The following MYOM1 variants were observed in gnomAD, a reference collection of about 807,000 sequenced individuals.
MYOM1 encodes the protein myomesin-1.
A neutral mutation model predicts 205.3 loss-of-function variants in MYOM1; 164 were observed. The observed-to-expected ratio is 0.80, with a 90% CI of 0.70 to 0.91. The LOEUF (loss-of-function observed/expected upper bound fraction) is 0.91. MYOM1 is among the 40% of genes least tolerant of loss of function. The pLI is 0.00. For synonymous variants in MYOM1, 772 were observed against 789.4 expected (o/e 0.98, Z 0.37); for missense variants, 2,011 against 2,127.3 (o/e 0.95, Z 1.08).
chr18:3,155,502 G>A (rs1008170953), intron 10 of MYOM1, among the ~76,000 whole-genome samples: 1 of 152,192 alleles, frequency 6.6e-6, no homozygotes, highest in Non-Finnish European at 1.5e-5. Context: ...GGGATTACAG[G>A]CGTGAGCCAT....
At chr18:3,201,736 C>T (rs1024224501) in intron 2 of MYOM1, among the ~76,000 whole-genome samples, 9 of 151,644 alleles carry the variant, frequency 5.9e-5, no homozygotes, top group East Asian at 1.9e-4. Context: ...CTCGATCTCC[C>T]GGGCTCAAGC....
At chr18:3,124,425 C>T (rs1290282781) in intron 19 of MYOM1, among the ~76,000 whole-genome samples, 1 of 150,774 alleles carries the variant, frequency 6.6e-6, no homozygotes, top group Non-Finnish European at 1.5e-5. Flanking sequence ...GCCTCAGCCT[C>T]CTGAGGAGCT....
chr18:3,190,381 C>T (rs1322996330), intron 3 of MYOM1: 1 of 152,126 alleles, frequency 6.6e-6, no homozygotes, highest in South Asian at 2.1e-4. Context: ...ATTGTGTTAG[C>T]AAGTTCCTAG....
chr18:3,203,576 T>C (rs1003101204), intron 2 of MYOM1, among the ~76,000 whole-genome samples: 1 of 151,856 alleles, frequency 6.6e-6, no homozygotes. Context: ...TAAGGCTAAC[T>C]TGAGAAAAAA....
intron 25 of MYOM1, among the ~76,000 whole-genome samples, chr18:3,096,350 AT>A (rs2079303638): frequency 6.6e-6 from 1 of 152,142 alleles, no homozygotes; most frequent in South Asian, 2.1e-4. Flanking sequence ...TAAATACTCT[AT>A]AAAGAGCCTG....
At chr18:3,206,341 G>A (rs1242456129) in intron 2 of MYOM1, among the ~76,000 whole-genome samples, 4 of 152,076 alleles carry the variant, frequency 2.6e-5, no homozygotes, top group African/African-American at 7.2e-5. Context: ...ATGCTCAGCC[G>A]TTTACTGGAA....
intron 3 of MYOM1, among the ~76,000 whole-genome samples, chr18:3,193,359 T>TACACAC (rs536189289): frequency 1.1e-3 from 128 of 119,264 alleles, no homozygotes; most frequent in African/African-American, 3.7e-3. Flanking sequence ...TATATATATA[T>TACACAC]ATACACACAC....
chr18:3,093,400 G>T (rs914350189), intron 26 of MYOM1, among the ~76,000 whole-genome samples: 3 of 151,986 alleles, frequency 2.0e-5, no homozygotes, highest in Non-Finnish European at 4.4e-5. Flanking sequence ...CTTAGATGTT[G>T]TAACTCTATC....
intron 8 of MYOM1, among the ~76,000 whole-genome samples, chr18:3,170,481 T>G (rs1369866393): frequency 2.0e-5 from 3 of 152,226 alleles, no homozygotes; most frequent in Non-Finnish European, 4.4e-5. Flanking sequence ...CTTCAGTTTC[T>G]TTAATGATCT....
chr18:3,241,565 G>A, the MYOM1 span, among the ~76,000 whole-genome samples: 3 of 152,206 alleles, frequency 2.0e-5, no homozygotes, highest in South Asian at 6.2e-4. Context: ...TGCAGGGGCG[G>A]GGCCCTCATG....
Position 3,178,630 on chromosome 18 carries a change from A to C in MYOM1, c.930-2496T>G, listed in dbSNP as rs551997854. Among the ~76,000 whole-genome samples, 207 of 152,270 alleles carry C rather than the reference A, an allele frequency of 1.4e-3. 1 individual carries two copies. The highest frequency in any genetic ancestry group is 4.6e-3 in the African/African-American group (191 of 41,548). ...TTATTCATTTTCTACACTTAAAACAAACAAACACTCTCCTCCATATAACAG... is the reference window on the plus strand; with the variant it reads ...TTATTCATTTTCTACACTTAAAACACACAAACACTCTCCTCCATATAACAG... On this transcript the variant is annotated intron_variant, in intron 5 of 37. Transcript: ENST00000356443.
At chr18:3,083,320 GAC>G (rs2079106352) in intron 33 of MYOM1, among the ~76,000 whole-genome samples, 1 of 151,778 alleles carries the variant, frequency 6.6e-6, no homozygotes, top group South Asian at 2.1e-4. Flanking sequence ...GAATTAAGAA[GAC>G]TCCTTACTTG....
At chr18:3,156,833 A>T (rs1478057802) in intron 10 of MYOM1, among the ~76,000 whole-genome samples, 1 of 151,592 alleles carries the variant, frequency 6.6e-6, no homozygotes, top group Non-Finnish European at 1.5e-5. Context: ...ATGGTCTCGA[A>T]CTCCTGACCT....
intron 34 of MYOM1, among the ~76,000 whole-genome samples, chr18:3,076,942 G>A (rs1359563041): frequency 6.6e-6 from 1 of 151,362 alleles, no homozygotes; most frequent in Non-Finnish European, 1.5e-5. Context: ...TCGATCTCCC[G>A]ACCTCGTGAT....
chr18:3,170,253 A>C (rs1439203247), intron 8 of MYOM1, among the ~76,000 whole-genome samples: 1 of 152,172 alleles, frequency 6.6e-6, no homozygotes, highest in Non-Finnish European at 1.5e-5. Flanking sequence ...GCATATTTTC[A>C]AACAATGAGA....
chr18:3,116,518 G>A lies in MYOM1; in HGVS notation c.3119-3C>T. 6.7e-7 allele frequency: 1 copy of A among 1,483,376 alleles called. No individual in the cohort carries two copies. The highest frequency in any genetic ancestry group is 9.0e-7 in the Non-Finnish European group (1 of 1,109,314). The allele number at this position is 1,483,376 out of a possible 1,614,324, so 91.9% of individuals were successfully genotyped here. The stretch of plus-strand genomic sequence containing the variant: ...ACACTTGAGACTGTGCGGTGGTCCT[G>A]AGAGAGAGAGAAGCCAATGAGTAGA... On this transcript the variant is annotated splice_polypyrimidine_tract_variant and splice_region_variant and intron_variant, in intron 20 of 37. Coordinates refer to ENST00000356443, the MANE Select transcript of MYOM1 (RefSeq NM_003803.4).
intron 19 of MYOM1, among the ~76,000 whole-genome samples, chr18:3,126,028 G>T (rs2079776152): frequency 6.6e-6 from 1 of 152,014 alleles, no homozygotes; most frequent in African/African-American, 2.4e-5. Flanking sequence ...CAGCACTTTG[G>T]GAGGCTGAGG....
chr18:3,072,440 G>A (rs750196822), intron 36 of MYOM1, among the ~76,000 whole-genome samples: 17 of 139,910 alleles, frequency 1.2e-4, no homozygotes, highest in Admixed American at 3.1e-4. Flanking sequence ...TGCGACCTCC[G>A]CCTCCCAGGT....
intron 14 of MYOM1, among the ~76,000 whole-genome samples, chr18:3,139,439 C>T (rs2080018359): frequency 6.6e-6 from 1 of 152,186 alleles, no homozygotes; most frequent in Admixed American, 6.5e-5. Flanking sequence ...CAATTTCACC[C>T]ATTCCAGGGA....
Sources: allele counts gnomAD v4.1 joint callset (sites outside exome capture counted in the v4.1 genomes callset), GRCh38; gene constraint gnomAD v4.1.1; transcripts MANE v1.5; gene names NCBI Gene and HGNC (gene_info 2026-07-23, HGNC 2026-07-21).